The following HMGXB4 variants were observed in gnomAD, a reference collection of about 807,000 sequenced individuals.
HMGXB4 encodes the protein HMG domain-containing protein 4.
In HMGXB4, 27 loss-of-function variants were observed where a neutral mutation model predicts 63.9. The ratio of observed to expected loss-of-function variants is 0.42; its 90% CI spans 0.31 to 0.58. The LOEUF (loss-of-function observed/expected upper bound fraction) is 0.58. HMGXB4 is among the 20% of genes least tolerant of loss of function. The pLI is 0.13. For missense variants in HMGXB4, 624 were observed against 700.7 expected, an observed-to-expected ratio of 0.89 and a Z score of 1.24; for synonymous variants, 264 against 265.3, an observed-to-expected ratio of 0.99 and a Z score of 0.05.
At chr22:35,272,340 TCTTA>T (rs1293549656) in intron 5 of HMGXB4, among the ~76,000 whole-genome samples, 3 of 145,348 alleles carry the variant, frequency 2.1e-5, no homozygotes, top group African/African-American at 7.3e-5. Context: ...AGCGGTGGGC[TCTTA>T]CTTGAGAATT....
At position 35,263,835 on chromosome 22, in the gene HMGXB4, A is replaced by G; in HGVS notation, c.220A>G (p.Lys74Glu). The change falls in exon 4 of 11, where the codon AAG becomes GAG. Residue 74 changes from lysine to glutamate, a missense_variant. Physicochemically the swap from Lys to Glu is moderately conservative, Grantham distance 56. Transcript: ENST00000216106. ...LYFLGTDTHK[K>E]KRKHSSDDYY... Reference sequence around the variant, plus strand: ...CTTCTTGGGGACGGACACACACAAGAAGAAGAGGAAGCACTCCTCTGATGA... The same window carrying G: ...CTTCTTGGGGACGGACACACACAAGGAGAAGAGGAAGCACTCCTCTGATGA... The G allele has an allele frequency of 6.2e-7, 1 of 1,613,702 alleles. No individual in the cohort carries two copies. Among genetic ancestry groups the G allele is most frequent in the East Asian group, 2.2e-5 (1 of 44,884 alleles).
upstream of HMGXB4, among the ~76,000 whole-genome samples, chr22:35,254,295 G>C (rs1922303446): frequency 6.6e-6 from 1 of 152,186 alleles, no homozygotes; most frequent in South Asian, 2.1e-4. Flanking sequence ...ACCATGACTA[G>C]GCCTGCCCAG....
intron 5 of HMGXB4, among the ~76,000 whole-genome samples, chr22:35,268,542 G>T (rs1309116250): frequency 6.6e-6 from 1 of 152,082 alleles, no homozygotes; most frequent in East Asian, 1.9e-4. Flanking sequence ...CGGCAGTCCT[G>T]TGTTCTGCAT....
At chr22:35,251,842 G>A in the HMGXB4 span, among the ~76,000 whole-genome samples, 1 of 152,196 alleles carries the variant, frequency 6.6e-6, no homozygotes, top group East Asian at 1.9e-4. Flanking sequence ...ACCTCCCAAA[G>A]TTTCCATGTG....
At chr22:35,264,382 TA>T (rs1485564918) in intron 4 of HMGXB4, among the ~76,000 whole-genome samples, 1 of 152,208 alleles carries the variant, frequency 6.6e-6, no homozygotes, top group African/African-American at 2.4e-5. Flanking sequence ...TTCTTCTGGG[TA>T]TGTGCTCTTT....
At chr22:35,243,134 G>A in the HMGXB4 span, among the ~76,000 whole-genome samples, 1 of 152,190 alleles carries the variant, frequency 6.6e-6, no homozygotes, top group South Asian at 2.1e-4. Flanking sequence ...ACTTTGGGAT[G>A]CCAAGGCGGG....
intron 5 of HMGXB4, among the ~76,000 whole-genome samples, chr22:35,275,215 G>A (rs1923842256): frequency 6.7e-6 from 1 of 150,214 alleles, no homozygotes; most frequent in Non-Finnish European, 1.5e-5. Context: ...TGCCTCCCGG[G>A]TTTAAGTGAT....
the HMGXB4 span, among the ~76,000 whole-genome samples, chr22:35,247,778 G>T: frequency 6.6e-6 from 1 of 151,712 alleles, no homozygotes. Context: ...ATTATCCCAG[G>T]CAGCAGGGGA....
At chr22:35,250,915 A>G in the HMGXB4 span, among the ~76,000 whole-genome samples, 4 of 152,120 alleles carry the variant, frequency 2.6e-5, no homozygotes, top group African/African-American at 9.7e-5. Context: ...TGAAGTTTTC[A>G]AACACCTGCA....
chr22:35,278,523 A>G (rs1411003401), intron 5 of HMGXB4, among the ~76,000 whole-genome samples: 1 of 152,212 alleles, frequency 6.6e-6, no homozygotes, highest in Non-Finnish European at 1.5e-5. Context: ...AATACCTTCA[A>G]TATATCTTGC....
the HMGXB4 span, among the ~76,000 whole-genome samples, chr22:35,242,626 C>A: frequency 6.6e-6 from 1 of 152,174 alleles, no homozygotes; most frequent in South Asian, 2.1e-4. Flanking sequence ...TCCAGCTTCA[C>A]TGATTTTGCC....
At chr22:35,272,132 CTT>C (rs1568999659) in intron 5 of HMGXB4, among the ~76,000 whole-genome samples, 1 of 152,214 alleles carries the variant, frequency 6.6e-6, no homozygotes, top group Admixed American at 6.5e-5. Flanking sequence ...TTGTAGAACA[CTT>C]ATACAGGGGC....
At chr22:35,283,319 A>C (rs919707453) in intron 5 of HMGXB4, among the ~76,000 whole-genome samples, 5 of 152,230 alleles carry the variant, frequency 3.3e-5, no homozygotes, top group African/African-American at 1.2e-4. Context: ...AGATGAGAAA[A>C]ATAGACACCC....
upstream of HMGXB4, among the ~76,000 whole-genome samples, chr22:35,254,820 C>G (rs1922321754): frequency 6.6e-6 from 1 of 152,208 alleles, no homozygotes; most frequent in South Asian, 2.1e-4. Context: ...AGTGAGTAGG[C>G]TGAGGAGAGA....
chr22:35,253,394 A>C (rs1261789203), upstream of HMGXB4, among the ~76,000 whole-genome samples: 1 of 152,174 alleles, frequency 6.6e-6, no homozygotes, highest in East Asian at 1.9e-4. Flanking sequence ...CACACAGAAG[A>C]TAATAAGTTG....
intron 5 of HMGXB4, among the ~76,000 whole-genome samples, chr22:35,279,981 T>C (rs1569002864): frequency 6.6e-6 from 1 of 152,320 alleles, no homozygotes; most frequent in African/African-American, 2.4e-5. Context: ...CTGTGGCCTC[T>C]TCATAAAAAC....
chr22:35,285,855 A>G (rs558672849), intron 6 of HMGXB4, 142 bp from the exon 7 acceptor site: 1 of 601,292 alleles, frequency 1.7e-6, no homozygotes, highest in African/African-American at 1.9e-5. Context: ...GAGTGATGGG[A>G]TTGGGGTTGG....
At chr22:35,256,940 T>TA (rs998417275), upstream of HMGXB4, among the ~76,000 whole-genome samples, 54 of 152,382 alleles carry the variant, frequency 3.5e-4, no homozygotes, top group African/African-American at 7.2e-5. Context: ...TGTTTCTAAC[T>TA]AAAAAATGTA....
chr22:35,273,120 T>C (rs1177912157), intron 5 of HMGXB4, among the ~76,000 whole-genome samples: 1 of 152,218 alleles, frequency 6.6e-6, no homozygotes, highest in African/African-American at 2.4e-5. Flanking sequence ...CTTGTGATGC[T>C]GTTACATTAG....
Sources: allele counts gnomAD v4.1 joint callset (sites outside exome capture counted in the v4.1 genomes callset), GRCh38; gene constraint gnomAD v4.1.1; transcripts MANE v1.5; gene names NCBI Gene and HGNC (gene_info 2026-07-23, HGNC 2026-07-21).